Variants in ABCB4 observed in about 807,000 individuals in gnomAD.
ABCB4 encodes the protein phosphatidylcholine translocator ABCB4.
In ABCB4, 76 loss-of-function variants were observed where a neutral mutation model predicts 145.7. That is an observed-to-expected ratio of 0.52 (90% confidence interval 0.43 to 0.63). ABCB4 has a LOEUF of 0.63. Ranked by LOEUF, ABCB4 falls within the 30% of genes least tolerant of loss-of-function variation. The pLI, the probability that ABCB4 is intolerant of heterozygous loss-of-function variation, is 0.00. For missense variants in ABCB4, 1,234 were observed against 1,553.1 expected, an observed-to-expected ratio of 0.79 and a Z score of 3.45; for synonymous variants, 517 against 566.8, an observed-to-expected ratio of 0.91 and a Z score of 1.25.
intron 15 of ABCB4, among the ~76,000 whole-genome samples, chr7:87,428,869 G>C (rs1176883884): frequency 6.6e-6 from 1 of 152,052 alleles, no homozygotes; most frequent in Non-Finnish European, 1.5e-5. Context: ...GTAGGGATTT[G>C]GCTTATGATG....
downstream of ABCB4, among the ~76,000 whole-genome samples, chr7:87,401,288 AG>A (rs1295511130): frequency 6.6e-6 from 1 of 152,226 alleles, no homozygotes; most frequent in Non-Finnish European, 1.5e-5. Flanking sequence ...GAGAAAACAA[AG>A]GGAAAATTAT....
At chr7:87,406,586 A>G (rs1808215239) in intron 25 of ABCB4, 92 bp from the exon 26 acceptor site, 2 of 1,391,882 alleles carry the variant, frequency 1.4e-6, no homozygotes, top group South Asian at 1.2e-5. Flanking sequence ...GGATCGTTGC[A>G]TGAGGGTGTC....
At chr7:87,450,364 T>A (rs1464391974) in intron 7 of ABCB4, among the ~76,000 whole-genome samples, 1 of 152,192 alleles carries the variant, frequency 6.6e-6, no homozygotes, top group African/African-American at 2.4e-5. Flanking sequence ...GGGAACACTG[T>A]CAAGTTCCAC....
chr7:87,386,009 T>C, the ABCB4 span, among the ~76,000 whole-genome samples: 1 of 152,166 alleles, frequency 6.6e-6, no homozygotes, highest in African/African-American at 2.4e-5. Context: ...TTGAACCATC[T>C]GAATCCCACT....
intron 6 of ABCB4, 66 bp downstream of exon 6, chr7:87,452,878 T>C (rs1811841443): frequency 2.1e-5 from 32 of 1,541,710 alleles, no homozygotes; most frequent in Non-Finnish European, 2.5e-5. Flanking sequence ...TTAAAATCTT[T>C]CCTTGACATA....
At chr7:87,389,280 C>A in the ABCB4 span, among the ~76,000 whole-genome samples, 1,154 of 152,186 alleles carry the variant, frequency 7.6e-3, 15 homozygotes, top group African/African-American at 0.025. Flanking sequence ...TAGATATATA[C>A]CCAAAGGATT....
rs1811607240 is a variant in ABCB4, at chr7:87,450,054, A to G, written c.747T>C (p.Tyr249=). Residue 249 remains tyrosine (Y), a synonymous_variant, in exon 8 of 28, where the codon TAT becomes TAC. Coordinates refer to ENST00000649586, the MANE Select transcript of ABCB4 (RefSeq NM_000443.4). ...CTTCTGCCACGGCGCCTGCTTTTGC[A>G]TAAGCAGCTAGTTCTTTGTCACTAA... ...SAFSDKELAA[Y]AKAGAVAEEA... is the part of the protein sequence containing the mutation. 3 of 1,614,094 alleles carry G rather than the reference A, an allele frequency of 1.9e-6. No individual in the cohort carries two copies. Among genetic ancestry groups the G allele is most frequent in the East Asian group, 4.5e-5 (2 of 44,894 alleles).
At chr7:87,446,898 CA>C (rs1332484756) in intron 9 of ABCB4, 135 bp downstream of exon 9, 1 of 761,622 alleles carries the variant, frequency 1.3e-6, no homozygotes, top group African/African-American at 1.8e-5. Context: ...GCCCACTGGA[CA>C]GTGGAAAGAT....
At chr7:87,401,184 A>G (rs1807764174), downstream of ABCB4, among the ~76,000 whole-genome samples, 1 of 152,234 alleles carries the variant, frequency 6.6e-6, no homozygotes, top group Non-Finnish European at 1.5e-5. Context: ...TTCTTTGGTA[A>G]TATGGCTTAT....
At chr7:87,432,448 T>A (rs557185364) in intron 14 of ABCB4, among the ~76,000 whole-genome samples, 30 of 152,306 alleles carry the variant, frequency 2.0e-4, no homozygotes, top group African/African-American at 6.5e-4. Flanking sequence ...GCTAGATTCA[T>A]AATAGGCAAA....
the ABCB4 span, among the ~76,000 whole-genome samples, chr7:87,369,091 T>A: frequency 6.6e-6 from 1 of 152,186 alleles, no homozygotes; most frequent in Non-Finnish European, 1.5e-5. Context: ...TGTTCCTAAG[T>A]AAAATTAGAA....
intron 8 of ABCB4, chr7:87,448,800 A>G (rs1169444158): frequency 6.6e-6 from 1 of 152,210 alleles, no homozygotes; most frequent in African/African-American, 2.4e-5. Flanking sequence ...AAGGAATAGA[A>G]AAGTAGAAAA....
At chr7:87,474,482 A>G (rs1347960477) in intron 2 of ABCB4, among the ~76,000 whole-genome samples, 1 of 152,224 alleles carries the variant, frequency 6.6e-6, no homozygotes, top group Non-Finnish European at 1.5e-5. Context: ...TCAGGTAGGC[A>G]TGTTTTCAGT....
rs199688870 is a variant in ABCB4 at position 87,467,483 on chromosome 7, TCAA to T, written c.136-4578_136-4576del. ...GACCCCACTATCAGCATTAGACAGA[TCAA>T]CGAGACAGAAGTTAACAAGGATATC... On this transcript the variant is annotated intron_variant, in intron 3 of 27. Transcript: ENST00000649586. Among the ~76,000 whole-genome samples the T allele has an allele frequency of 7.8e-3, 1,189 of 152,172 alleles. 10 individuals carry two copies. The highest frequency in any genetic ancestry group is 0.026 in the South Asian group (125 of 4,818).
the ABCB4 span, chr7:87,381,816 T>C: frequency 1.3e-6 from 1 of 779,702 alleles, no homozygotes; most frequent in African/African-American, 1.7e-5. Context: ...TGCTTTATTA[T>C]CTGTTAAGAA....
chr7:87,450,129 G>C (rs1562986585), intron 7 of ABCB4, 37 bp from the exon 8 acceptor site: 1 of 1,612,376 alleles, frequency 6.2e-7, no homozygotes. Context: ...TTTTGTATAG[G>C]GAGAAAAGTT....
In ABCB4 at chr7:87,439,680, G is replaced by T. The variant is rs945837088; in HGVS notation, c.1718C>A (p.Ala573Glu). ...GAGTCTACTGACCTTATCCAGAGCT[G>T]CCTGTACCTCAGCTTCACTTTCTGT... The part of the protein sequence containing the change: ...LDTESEAEVQ[A>E]ALDKAREGRT... Residue 573 changes from alanine to glutamate, a missense_variant, in exon 14 of 28, where the codon GCA becomes GAA. Transcript: ENST00000649586. 6.2e-7 allele frequency: 1 copy of T among 1,614,146 alleles called. No homozygotes were observed. The highest frequency in any genetic ancestry group is 8.5e-7 in the Non-Finnish European group (1 of 1,180,016).
intron 3 of ABCB4, among the ~76,000 whole-genome samples, chr7:87,472,391 A>G (rs1412813694): frequency 6.6e-6 from 1 of 151,868 alleles, no homozygotes; most frequent in Non-Finnish European, 1.5e-5. Context: ...TAAGATTTTT[A>G]TTTTTATTAT....
the ABCB4 span, chr7:87,375,464 A>G: frequency 4.5e-5 from 25 of 559,894 alleles, no homozygotes; most frequent in African/African-American, 3.6e-4. Context: ...ATAGAACACA[A>G]TCACTTAAAA....
Sources: allele counts gnomAD v4.1 joint callset (sites outside exome capture counted in the v4.1 genomes callset), GRCh38; gene constraint gnomAD v4.1.1; transcripts MANE v1.5; gene names NCBI Gene and HGNC (gene_info 2026-07-23, HGNC 2026-07-21).